COL5A2: variants seen among roughly 807,000 people sequenced by gnomAD.
The protein encoded by COL5A2 is collagen alpha-2(V) chain.
COL5A2 carries 23 observed loss-of-function variants against 208.2 expected under a neutral mutation model. The observed-to-expected ratio is 0.11, with a 90% CI of 0.08 to 0.16. The LOEUF is 0.16. Ranked by LOEUF, COL5A2 falls within the 10% of genes least tolerant of loss-of-function variation. The pLI is 1.00. For missense variants in COL5A2, 1,590 were observed against 1,956.4 expected (o/e 0.81, Z 3.53); for synonymous variants, 625 against 628.5 (o/e 0.99, Z 0.08).
chr2:189,279,825 A>G, the COL5A2 span, among the ~76,000 whole-genome samples: 2 of 152,164 alleles, frequency 1.3e-5, no homozygotes, highest in Non-Finnish European at 2.9e-5. Context: ...GATTTGATGC[A>G]AAAGTTTATT....
chr2:189,075,585 A>G, intron 16 of COL5A2, 148 bp from the exon 17 acceptor site: 1 of 633,156 alleles, frequency 1.6e-6, no homozygotes, highest in Non-Finnish European at 2.9e-6. Flanking sequence ...GTTAATAGCA[A>G]TATAAATACA....
intron 1 of COL5A2, among the ~76,000 whole-genome samples, chr2:189,162,756 G>C (rs1003676448): frequency 2.6e-5 from 4 of 152,086 alleles, no homozygotes; most frequent in African/African-American, 7.2e-5. Context: ...TAAAAAAGAG[G>C]CTTGTTTTCT....
intron 1 of COL5A2, among the ~76,000 whole-genome samples, chr2:189,120,051 G>C (rs1687469694): frequency 6.6e-6 from 1 of 152,078 alleles, no homozygotes; most frequent in Non-Finnish European, 1.5e-5. Flanking sequence ...TCTGGAAAAA[G>C]GAATAGAGGC....
the COL5A2 span, among the ~76,000 whole-genome samples, chr2:189,392,693 G>A: frequency 6.6e-6 from 1 of 152,066 alleles, no homozygotes; most frequent in Admixed American, 6.6e-5. Flanking sequence ...TAGAAACAGG[G>A]CAAGAATTCA....
At chr2:189,093,487 T>C (rs549872580) in intron 6 of COL5A2, among the ~76,000 whole-genome samples, 1 of 152,062 alleles carries the variant, frequency 6.6e-6, no homozygotes, top group African/African-American at 2.4e-5. Context: ...CAAGCTCAGG[T>C]GGTGGAGGTG....
the COL5A2 span, among the ~76,000 whole-genome samples, chr2:189,340,247 T>C: frequency 6.6e-6 from 1 of 152,166 alleles, no homozygotes; most frequent in Admixed American, 6.6e-5. Context: ...TGGAGTAGTG[T>C]GCTACATGCC....
In COL5A2 at chr2:189,110,326, A is replaced by C. The variant is rs771419836; in HGVS notation, c.221T>G (p.Ile74Arg). 1.9e-6 allele frequency: 3 copies of C among 1,614,122 alleles called. No individual in the cohort carries two copies. The highest frequency in any genetic ancestry group is 1.7e-5 in the Admixed American group (1 of 60,014). ...CDNGAILCDK[I>R]ECQDVLDCAD... is the part of the protein sequence containing the mutation. The stretch of plus-strand genomic sequence containing the variant: ...ACAGTCCAGCACATCCTGGCATTCT[A>C]TCTTGTCACAGAGAATGGCTCCATT... The change falls in exon 2 of 54, where the codon ATA becomes AGA. Residue 74 changes from isoleucine (I) to arginine (R), a missense_variant. Physicochemically the swap from Ile to Arg is moderately conservative, Grantham distance 97. Transcript: ENST00000374866.
intron 1 of COL5A2, among the ~76,000 whole-genome samples, chr2:189,185,613 T>A (rs1424939398): frequency 6.6e-6 from 1 of 152,236 alleles, no homozygotes; most frequent in Non-Finnish European, 1.5e-5. Context: ...TTGCCTCCCC[T>A]GACAAATGGG....
the COL5A2 span, among the ~76,000 whole-genome samples, chr2:189,281,119 CTT>C: frequency 1.3e-5 from 2 of 152,016 alleles, no homozygotes; most frequent in South Asian, 2.1e-4. Context: ...CATTATATCT[CTT>C]AATCTTTAAA....
intron 23 of COL5A2, among the ~76,000 whole-genome samples, chr2:189,065,996 C>T (rs1291196337): frequency 7.2e-5 from 11 of 152,210 alleles, no homozygotes; most frequent in Admixed American, 7.2e-4. Flanking sequence ...TCCAATGTGT[C>T]ATGTCTTTAC....
chr2:189,147,534 T>G (rs962354191), intron 1 of COL5A2, among the ~76,000 whole-genome samples: 1 of 152,178 alleles, frequency 6.6e-6, no homozygotes, highest in Non-Finnish European at 1.5e-5. Context: ...GCTTGAATAC[T>G]TGTATGACTA....
chr2:189,216,467 T>C (rs1395824650), intron 1 of COL5A2, among the ~76,000 whole-genome samples: 1 of 152,006 alleles, frequency 6.6e-6, no homozygotes, highest in African/African-American at 2.4e-5. Context: ...AAAATCGAGA[T>C]GCCTGCTGCC....
At chr2:189,363,832 G>A in the COL5A2 span, among the ~76,000 whole-genome samples, 3 of 152,236 alleles carry the variant, frequency 2.0e-5, no homozygotes, top group South Asian at 6.2e-4. Flanking sequence ...CTCCCACATA[G>A]ACTGAAGTGA....
In COL5A2 at chr2:189,064,003, G is replaced by T; in HGVS notation, c.1747C>A (p.Pro583Thr). 6.2e-7 allele frequency: 1 copy of T among 1,613,262 alleles called. No individual in the cohort carries two copies. The highest frequency in any genetic ancestry group is 8.5e-7 in the Non-Finnish European group (1 of 1,179,630). Residue 583 changes from proline (P) to threonine (T), a missense_variant, in exon 26 of 54, where the codon CCT becomes ACT. Physicochemically the swap from Pro to Thr is conservative, Grantham distance 38. Transcript: ENST00000374866. ...GLTGNPGVQGPEGKLGPLGAP... is the reference protein window; with the variant it reads ...GLTGNPGVQGTEGKLGPLGAP... ...ACCAAAGGTCCAAGTTTTCCTTCAG[G>T]ACCTTGAACACCAGGATTTCCTGTC...
At chr2:189,050,540 A>T (rs1685762589) in intron 43 of COL5A2, 29 bp downstream of exon 43, 2 of 1,489,920 alleles carry the variant, frequency 1.3e-6, no homozygotes, top group East Asian at 4.9e-5. Flanking sequence ...CACATATGAG[A>T]TAAAATATTG....
At chr2:189,101,376 T>C (rs1040168143) in intron 3 of COL5A2, among the ~76,000 whole-genome samples, 9 of 152,068 alleles carry the variant, frequency 5.9e-5, no homozygotes, top group African/African-American at 2.2e-4. Context: ...ATAACCACTG[T>C]TAATATGCTG....
At chr2:189,287,438 G>A in the COL5A2 span, among the ~76,000 whole-genome samples, 5,880 of 151,896 alleles carry the variant, frequency 0.039, 129 homozygotes, top group Admixed American at 0.052. Context: ...GGGAGGTTGG[G>A]GAAAGATGAA....
the COL5A2 span, among the ~76,000 whole-genome samples, chr2:189,438,531 A>G: frequency 6.6e-6 from 1 of 152,240 alleles, no homozygotes; most frequent in African/African-American, 2.4e-5. Flanking sequence ...GCACTGATGC[A>G]CATAACATAA....
At chr2:189,392,986 C>T in the COL5A2 span, among the ~76,000 whole-genome samples, 1 of 152,062 alleles carries the variant, frequency 6.6e-6, no homozygotes, top group Non-Finnish European at 1.5e-5. Context: ...ATAGTCATAT[C>T]TTATTGCTTC....
Sources: allele counts gnomAD v4.1 joint callset (sites outside exome capture counted in the v4.1 genomes callset), GRCh38; gene constraint gnomAD v4.1.1; transcripts MANE v1.5; gene names NCBI Gene and HGNC (gene_info 2026-07-23, HGNC 2026-07-21).